The following E2F8 variants were observed in gnomAD, a reference collection of about 807,000 sequenced individuals.
E2F8 encodes transcription factor E2F8.
In E2F8, 35 loss-of-function variants were observed where a neutral mutation model predicts 80.8. The ratio of observed to expected loss-of-function variants is 0.43; its 90% CI spans 0.33 to 0.57. E2F8 has a LOEUF of 0.57. Among genes scored for constraint, E2F8 ranks in the 20% least tolerant of loss-of-function variants. E2F8 has a pLI of 0.04. For missense variants in E2F8, 975 were observed against 1,056.2 expected, an observed-to-expected ratio of 0.92 and a Z score of 1.07; for synonymous variants, 386 against 395.0, an observed-to-expected ratio of 0.98 and a Z score of 0.27.
rs1851199142 is a variant in E2F8, at chr11:19,225,220, C to T, written c.2421+1G>A. On this transcript the variant is annotated splice_donor_variant, in intron 12 of 12. Transcript: ENST00000250024. LOFTEE classifies it high-confidence loss of function. ...ATTAAATTAAGTAGAAAGCCTCTCACCTGTTGTGCCCCTGTCACAGCAACT... is the reference window on the plus strand; with the variant it reads ...ATTAAATTAAGTAGAAAGCCTCTCATCTGTTGTGCCCCTGTCACAGCAACT... 6.2e-7 allele frequency: 1 copy of T among 1,612,262 alleles called. No homozygotes were observed. Among genetic ancestry groups the T allele is most frequent in the Non-Finnish European group, 8.5e-7 (1 of 1,179,582 alleles).
chr11:19,228,037 A>G (rs1044705840), intron 10 of E2F8, among the ~76,000 whole-genome samples: 3 of 152,222 alleles, frequency 2.0e-5, no homozygotes, highest in Admixed American at 6.5e-5. Flanking sequence ...GTGAGCTAAA[A>G]TCATGCCACT....
At chr11:19,240,073 A>T in intron 2 of E2F8, 34 bp downstream of exon 2, 1 of 1,486,512 alleles carries the variant, frequency 6.7e-7, no homozygotes, top group Non-Finnish European at 9.0e-7. Flanking sequence ...CTGAATTTAA[A>T]ATTGCAATGA....
At position 19,225,506 on chromosome 11, in the gene E2F8, G is replaced by A. The variant is rs757722135; in HGVS notation, c.2136C>T (p.Val712=). ...TTGAAGCGAGAGCCGGGCTGTTCCCGACAGGTACGGCTGCCACGGAAGTTG... is the reference window on the plus strand; with the variant it reads ...TTGAAGCGAGAGCCGGGCTGTTCCCAACAGGTACGGCTGCCACGGAAGTTG... ...VSPTSVAAVP[V]GNSPALASSH... is the part of the protein sequence containing the mutation. The change falls in exon 12 of 13, where the codon GTC becomes GTT. Residue 712 remains valine, a synonymous_variant. Coordinates refer to ENST00000250024, the MANE Select transcript of E2F8 (RefSeq NM_024680.4). The A allele has an allele frequency of 1.8e-5, 29 of 1,614,070 alleles. No homozygotes were observed. The highest frequency in any genetic ancestry group is 2.2e-5 in the Non-Finnish European group (26 of 1,180,046).
At chr11:19,233,714 T>G (rs929544653) in intron 6 of E2F8, among the ~76,000 whole-genome samples, 8 of 152,048 alleles carry the variant, frequency 5.3e-5, no homozygotes, top group African/African-American at 1.7e-4. Flanking sequence ...GGTCTGGATC[T>G]CCTGACCTCA....
rs1473294575 is a variant in E2F8 at position 19,233,426 on chromosome 11, C to A, written c.928+934G>T. On this transcript the variant is annotated intron_variant, in intron 6 of 12. Coordinates refer to ENST00000250024, the MANE Select transcript of E2F8 (RefSeq NM_024680.4). ...TGTAATCAGCATCAGTGGAAGGAGA[C>A]CAGGGTGCAGACCCACTTTACAATT... Among the ~76,000 whole-genome samples, 3 of 152,174 alleles carry A rather than the reference C, an allele frequency of 2.0e-5. No individual in the cohort carries two copies. The South Asian group carries it at 6.2e-4, about 32-fold the overall frequency.
At chr11:19,231,622 A>G (rs1224015788) in intron 7 of E2F8, among the ~76,000 whole-genome samples, 1 of 152,196 alleles carries the variant, frequency 6.6e-6, no homozygotes, top group Non-Finnish European at 1.5e-5. Flanking sequence ...AGAAATATCT[A>G]CTTTGATACC....
Position 19,240,137 on chromosome 11 carries a change from T to C in E2F8, c.-16A>G. ...CGTTCTCCATTCTGTAAATTCCTCA[T>C]ACATTTAGAGTTTAAAAATGAAAAA... On this transcript the variant is annotated 5_prime_UTR_variant, in exon 2 of 13. The change abolishes an upstream ATG in the 5' untranslated region. Coordinates refer to ENST00000250024, the MANE Select transcript of E2F8 (RefSeq NM_024680.4). 1 of 1,502,604 alleles carries C rather than the reference T, an allele frequency of 6.7e-7. No homozygotes were observed. Among genetic ancestry groups the C allele is most frequent in the Non-Finnish European group, 8.9e-7 (1 of 1,117,834 alleles). The allele number at this position is 1,502,604 out of a possible 1,614,324, so 93.1% of individuals were successfully genotyped here.
chr11:19,234,315 T>C (rs769843501), intron 6 of E2F8, 45 bp downstream of exon 6: 3 of 1,596,766 alleles, frequency 1.9e-6, no homozygotes, highest in Non-Finnish European at 2.6e-6. Flanking sequence ...GAGATTTTAT[T>C]GTTTAAGAAT....
chr11:19,229,593 G>A lies in E2F8; in HGVS notation c.1754C>T (p.Ala585Val), dbSNP rs905880829. 3 of 1,614,152 alleles carry A rather than the reference G, an allele frequency of 1.9e-6. No individual in the cohort carries two copies. Among genetic ancestry groups the A allele is most frequent in the Non-Finnish European group, 2.5e-6 (3 of 1,180,030 alleles). ...ASTRPGSLLP[A>V]PERQGAKSRT... ...GCTCTTTGCCCCTTGCCTCTCTGGT[G>A]CTGGCAGCAAGCTTCCAGGCCTGGT... The change falls in exon 10 of 13, where the codon GCA (alanine) becomes GTA (valine). Residue 585 changes from alanine (A) to valine (V), a missense_variant. Ala to Val is a moderately conservative substitution (Grantham distance 64). Coordinates refer to ENST00000250024, the MANE Select transcript of E2F8 (RefSeq NM_024680.4). This position sits in a 1 kb window ranked among gnomAD's most constrained non-coding sequence, Gnocchi z 4.3.
chr11:19,234,073 G>A (rs751632873), intron 6 of E2F8, among the ~76,000 whole-genome samples: 1 of 150,548 alleles, frequency 6.6e-6, no homozygotes, highest in Non-Finnish European at 1.5e-5. Context: ...GCTGGAACCC[G>A]GGAGGCAGAT....
At chr11:19,226,423 G>A (rs1354899152) in intron 10 of E2F8, among the ~76,000 whole-genome samples, 1 of 152,202 alleles carries the variant, frequency 6.6e-6, no homozygotes, top group Admixed American at 6.5e-5. Flanking sequence ...TCCAAGTGGG[G>A]CACACAGCAG....
At position 19,234,793 on chromosome 11, in the gene E2F8, T is replaced by A. The variant is rs1445434287; in HGVS notation, c.717A>T (p.Gly239=). 17 of 1,614,040 alleles carry A rather than the reference T, an allele frequency of 1.1e-5. No individual in the cohort carries two copies. Among genetic ancestry groups the A allele is most frequent in the Non-Finnish European group, 1.4e-5 (16 of 1,179,924 alleles). The change falls in exon 5 of 13, where the codon GGA becomes GGT. Residue 239 remains glycine, a synonymous_variant. Coordinates refer to ENST00000250024, the MANE Select transcript of E2F8 (RefSeq NM_024680.4). ...HIIKSNTGPN[G]HPDMCFVELP... is the part of the protein sequence containing the mutation. ...GTTCCACAAAACACATGTCTGGGTGTCCATTTGGGCCAGTGTTTGATTTGA... is the reference window on the plus strand; with the variant it reads ...GTTCCACAAAACACATGTCTGGGTGACCATTTGGGCCAGTGTTTGATTTGA...
intron 8 of E2F8, 98 bp downstream of exon 8, chr11:19,230,533 A>G: frequency 7.2e-7 from 1 of 1,396,564 alleles, no homozygotes. Context: ...AGATATTGAA[A>G]TAATTCTCTG....
rs371037224 is a variant in E2F8, at chr11:19,234,392, T to G, written c.896A>C (p.His299Pro). ...CTTGCTTTTATCCAAATCTTCCACA[T>G]GGTCCTCCCCAATTAAAATCTTGGC... is the stretch of plus-strand genomic sequence containing the variant. ...VAAKILIGEDHVEDLDKSKFK... is the reference protein window; with the variant it reads ...VAAKILIGEDPVEDLDKSKFK... Residue 299 changes from histidine to proline, a missense_variant, in exon 6 of 13, where the codon CAT (histidine) becomes CCT (proline). Transcript: ENST00000250024. The G allele has an allele frequency of 4.3e-6, 7 of 1,614,054 alleles. No individual in the cohort carries two copies. In the African/African-American group the frequency reaches 8.0e-5, roughly 18 times the overall value.
At chr11:19,234,696 C>G (rs1290494077) in intron 5 of E2F8, 48 bp downstream of exon 5, 2 of 1,567,292 alleles carry the variant, frequency 1.3e-6, no homozygotes, top group Non-Finnish European at 1.7e-6. Flanking sequence ...TTTCCTTAGA[C>G]AGAGGACAAA....
At chr11:19,237,254 G>C (rs1377397350) in intron 4 of E2F8, 60 bp downstream of exon 4, 92 of 1,544,036 alleles carry the variant, frequency 6.0e-5, no homozygotes, top group Non-Finnish European at 8.1e-5. Flanking sequence ...GTCTGAAGGA[G>C]TTAAGTCCAT....
intron 4 of E2F8, among the ~76,000 whole-genome samples, chr11:19,236,667 C>T (rs574693778): frequency 5.9e-5 from 9 of 152,274 alleles, no homozygotes; most frequent in South Asian, 2.1e-4. Context: ...CTTTTCTTCA[C>T]GGGGTGATTG....
Position 19,234,943 on chromosome 11 carries a change from G to C in E2F8, c.567C>G (p.Thr189=). 1 of 1,614,140 alleles carries C rather than the reference G, an allele frequency of 6.2e-7. No homozygotes were observed. Among genetic ancestry groups the C allele is most frequent in the Non-Finnish European group, 8.5e-7 (1 of 1,180,028 alleles). The change falls in exon 5 of 13, where the codon ACC becomes ACG. Residue 189 remains threonine (T), a synonymous_variant. Transcript: ENST00000250024. ...TWHGRHNLNK[T]LGTLKSIGEE... ...CCCCGATGCTCTTCAAGGTGCCAAGGGTTTTGTTGAGATTGTGTCGCCCGT... is the reference window on the plus strand; with the variant it reads ...CCCCGATGCTCTTCAAGGTGCCAAGCGTTTTGTTGAGATTGTGTCGCCCGT...
At chr11:19,225,983 G>A (rs1590121569) in intron 10 of E2F8, 119 bp from the exon 11 acceptor site, 5 of 1,222,792 alleles carry the variant, frequency 4.1e-6, no homozygotes, top group Non-Finnish European at 5.7e-6. Flanking sequence ...AGCCTCCAGC[G>A]GAGTGGGCTG....
Sources: gnomAD v4.1 joint callset for allele counts (sites outside exome capture counted in the v4.1 genomes callset) on GRCh38, gnomAD v4.1.1 for gene constraint, Gnocchi (gnomAD v3.1) non-coding constraint, MANE v1.5 for transcripts, NCBI Gene and HGNC (gene_info 2026-07-23, HGNC 2026-07-21) for gene names.